The following RORA variants were observed in gnomAD, a reference collection of about 807,000 sequenced individuals.
RORA encodes the protein RAR related orphan receptor A.
Under a neutral mutation model 69.5 loss-of-function variants are expected in RORA, and 7 were observed. That is an observed-to-expected ratio of 0.10 (90% CI 0.06 to 0.19). The LOEUF is 0.19. Ranked by LOEUF, RORA falls within the 10% of genes least tolerant of loss-of-function variation. The probability of loss-of-function intolerance (pLI) is 1.00; values close to 1 mark genes in which losing one functional copy is unlikely to be tolerated. For missense variants in RORA, 457 were observed against 663.0 expected (o/e 0.69, Z 3.41); for synonymous variants, 261 against 240.8 (o/e 1.08, Z -0.78).
intron 2 of RORA, among the ~76,000 whole-genome samples, chr15:60,676,536 T>C (rs540087354): frequency 6.6e-6 from 1 of 152,340 alleles, no homozygotes; most frequent in South Asian, 2.1e-4. Context: ...GTCCATTATA[T>C]AAAAGGAGCT....
At chr15:60,933,613 C>A (rs1200450374) in intron 1 of RORA, among the ~76,000 whole-genome samples, 1 of 152,164 alleles carries the variant, frequency 6.6e-6, no homozygotes, top group Non-Finnish European at 1.5e-5. Context: ...GGATGGCATA[C>A]TCCTAAAGGA....
intron 1 of RORA, among the ~76,000 whole-genome samples, chr15:60,924,976 G>T (rs1213994333): frequency 1.3e-5 from 2 of 152,200 alleles, no homozygotes; most frequent in East Asian, 3.9e-4. Context: ...CTACTTGGGA[G>T]GCTGAAGCAA....
intron 1 of RORA, among the ~76,000 whole-genome samples, chr15:60,979,066 A>G (rs1893956754): frequency 6.8e-6 from 1 of 146,198 alleles, no homozygotes; most frequent in South Asian, 2.1e-4. Flanking sequence ...GGTTCACACC[A>G]TTCTCCTGCC....
chr15:60,602,271 G>A (rs568594015), intron 2 of RORA, among the ~76,000 whole-genome samples: 37 of 152,242 alleles, frequency 2.4e-4, no homozygotes, highest in Non-Finnish European at 4.4e-4. Context: ...CCAAGGACAC[G>A]AACAGTTAAC....
rs1810074640 is a variant in RORA at position 61,200,416 on chromosome 15, G to A, written c.166+28637C>T. 2.6e-5 allele frequency among the ~76,000 whole-genome samples: 4 copies of A among 152,236 alleles called. No homozygotes were observed. The South Asian group carries it at 8.3e-4, about 32-fold the overall frequency. On this transcript the variant is annotated intron_variant, in intron 1 of 10. Coordinates refer to ENST00000335670, the MANE Select transcript of RORA (RefSeq NM_134261.3). ...AAAAGGGCAATAAATTAACTTTCTG[G>A]AACATAGAGTCACCGCAGGATCCAT...
chr15:60,549,218 A>C (rs769323712), intron 2 of RORA, among the ~76,000 whole-genome samples: 1 of 152,154 alleles, frequency 6.6e-6, no homozygotes, highest in Non-Finnish European at 1.5e-5. Flanking sequence ...AAATAACCCC[A>C]CAGTTTCCAT....
rs1894084041 is a variant in RORA at position 60,982,774 on chromosome 15, C to T, written c.166+246279G>A. ...GTTTTTGTTTTTAAATAAATGCTTC[C>T]CAGAGTACTTCAAGTATTTGGTTAC... On this transcript the variant is annotated intron_variant, in intron 1 of 10. Coordinates refer to ENST00000335670, the MANE Select transcript of RORA (RefSeq NM_134261.3). Among the ~76,000 whole-genome samples, 4 of 152,006 alleles carry T rather than the reference C, an allele frequency of 2.6e-5. No homozygotes were observed. In the South Asian group the frequency reaches 8.3e-4, roughly 32 times the overall value.
chr15:61,039,814 C>CA (rs1896651760), intron 1 of RORA, among the ~76,000 whole-genome samples: 1 of 149,828 alleles, frequency 6.7e-6, no homozygotes, highest in African/African-American at 2.5e-5. Flanking sequence ...TGGGAACTTA[C>CA]CAAATCTGTT....
At chr15:60,875,242 T>A (rs2073600538) in intron 1 of RORA, among the ~76,000 whole-genome samples, 1 of 152,118 alleles carries the variant, frequency 6.6e-6, no homozygotes, top group East Asian at 1.9e-4. Flanking sequence ...TGCATATTTT[T>A]GGGAAGAAAA....
intron 1 of RORA, among the ~76,000 whole-genome samples, chr15:61,211,296 A>AT (rs368978594): frequency 0.33 from 42,844 of 129,018 alleles, 6,805 homozygotes; most frequent in South Asian, 0.39. Flanking sequence ...AAAAAAAAAA[A>AT]AAAAAAAGGA....
intron 1 of RORA, among the ~76,000 whole-genome samples, chr15:60,738,764 G>C (rs150973911): frequency 6.6e-6 from 1 of 152,214 alleles, no homozygotes; most frequent in Non-Finnish European, 1.5e-5. Context: ...CAGAGGAAGC[G>C]CATTGTCTTA....
intron 2 of RORA, among the ~76,000 whole-genome samples, chr15:60,604,353 G>C (rs529468706): frequency 3.3e-5 from 5 of 152,200 alleles, no homozygotes; most frequent in African/African-American, 1.2e-4. Flanking sequence ...ATAAATTTTA[G>C]TGAGTATGCA....
chr15:60,655,903 A>C (rs1596101467), intron 2 of RORA, among the ~76,000 whole-genome samples: 2 of 152,340 alleles, frequency 1.3e-5, no homozygotes, highest in South Asian at 2.1e-4. Context: ...AAATTAAGCC[A>C]TGCTAGCTGA....
intron 1 of RORA, among the ~76,000 whole-genome samples, chr15:61,098,634 G>A (rs2078833358): frequency 6.6e-6 from 1 of 152,162 alleles, no homozygotes; most frequent in Admixed American, 6.5e-5. Flanking sequence ...TGCACACCCA[G>A]CCTGCTACTC....
chr15:61,071,116 A>G (rs2078336484), intron 1 of RORA, among the ~76,000 whole-genome samples: 1 of 148,660 alleles, frequency 6.7e-6, no homozygotes, highest in Admixed American at 6.8e-5. Flanking sequence ...ATGCATATGT[A>G]GCACTAACCA....
intron 2 of RORA, among the ~76,000 whole-genome samples, chr15:60,539,148 A>C (rs2066777966): frequency 6.6e-6 from 1 of 152,160 alleles, no homozygotes; most frequent in Admixed American, 6.5e-5. Context: ...TAAGAGTTAA[A>C]ATACTGCGCC....
rs965552974 is a variant in RORA at position 61,229,093 on chromosome 15, A to G, written c.126T>C (p.Pro42=). The change falls in exon 1 of 11, where the codon CCT becomes CCC. Residue 42 remains proline, a synonymous_variant. Coordinates refer to ENST00000335670, the MANE Select transcript of RORA (RefSeq NM_134261.3). The stretch of plus-strand genomic sequence containing the variant: ...AATAGCTCTGTCTGCGCACCGGGGC[A>G]GGCGGCTCGCTCTTGCGGGCGGATT... ...NQESARKSEP[P]APVRRQSYSS... 21 of 1,539,352 alleles carry G rather than the reference A, an allele frequency of 1.4e-5. No homozygotes were observed. The African/African-American group carries it at 2.5e-4, about 18-fold the overall frequency.
chr15:60,964,196 C>T (rs934635639), intron 1 of RORA, among the ~76,000 whole-genome samples: 2 of 152,196 alleles, frequency 1.3e-5, no homozygotes, highest in African/African-American at 2.4e-5. Flanking sequence ...ATGGTTTTCC[C>T]ATTCTGTTGA....
intron 1 of RORA, among the ~76,000 whole-genome samples, chr15:60,927,832 G>A (rs1420769180): frequency 6.6e-6 from 1 of 152,174 alleles, no homozygotes; most frequent in Non-Finnish European, 1.5e-5. Context: ...CAGAATGCAA[G>A]CGTCAGATTT....
Sources: allele counts gnomAD v4.1 joint callset (sites outside exome capture counted in the v4.1 genomes callset), GRCh38; gene constraint gnomAD v4.1.1; transcripts MANE v1.5; gene names NCBI Gene and HGNC (gene_info 2026-07-23, HGNC 2026-07-21).